The following SEMA6D variants were observed in gnomAD, a reference collection of about 807,000 sequenced individuals.
The protein encoded by SEMA6D is semaphorin-6D.
In SEMA6D, 35 loss-of-function variants were observed where a neutral mutation model predicts 106.6. The observed-to-expected ratio is 0.33, with a 90% CI of 0.25 to 0.44. The LOEUF (loss-of-function observed/expected upper bound fraction) is 0.44, where lower values mean the gene tolerates loss of function less well. Ranked by LOEUF, SEMA6D falls within the 20% of genes least tolerant of loss-of-function variation. The pLI is 1.00. For synonymous variants in SEMA6D, 499 were observed against 487.7 expected (o/e 1.02, Z -0.31); for missense variants, 1,185 against 1,345.9 (o/e 0.88, Z 1.87).
At chr15:47,741,879 C>T (rs1008729216) in intron 1 of SEMA6D, among the ~76,000 whole-genome samples, 1 of 152,164 alleles carries the variant, frequency 6.6e-6, no homozygotes, top group African/African-American at 2.4e-5. Flanking sequence ...AAGAGGAAGA[C>T]AGGAGGTAGA....
At chr15:47,531,231 C>T (rs1238625623) in intron 3 of SEMA6D, among the ~76,000 whole-genome samples, 2 of 152,278 alleles carry the variant, frequency 1.3e-5, no homozygotes, top group Non-Finnish European at 2.9e-5. Context: ...TATAAATACA[C>T]ATATAGCAAA....
chr15:47,292,730 T>TTG (rs2035643007), intron 1 of SEMA6D, among the ~76,000 whole-genome samples: 2 of 152,164 alleles, frequency 1.3e-5, no homozygotes, highest in African/African-American at 2.4e-5. Flanking sequence ...TATTGTGTAG[T>TTG]CCATGAAGAC....
chr15:47,509,189 A>T (rs2044145264), intron 3 of SEMA6D, among the ~76,000 whole-genome samples: 1 of 152,070 alleles, frequency 6.6e-6, no homozygotes, highest in Admixed American at 6.5e-5. Flanking sequence ...CAAACAGATG[A>T]GTGAGGAAGC....
intron 1 of SEMA6D, among the ~76,000 whole-genome samples, chr15:47,204,110 A>G (rs142862825): frequency 6.8e-4 from 104 of 152,282 alleles, no homozygotes; most frequent in African/African-American, 2.3e-3. Context: ...TTCAGTTTCT[A>G]TTCTTATAGG....
intron 1 of SEMA6D, among the ~76,000 whole-genome samples, chr15:47,319,560 A>T (rs2036842581): frequency 6.6e-6 from 1 of 152,008 alleles, no homozygotes; most frequent in East Asian, 1.9e-4. Context: ...CCAGGGAGAA[A>T]AAAACAGGAT....
intron 1 of SEMA6D, among the ~76,000 whole-genome samples, chr15:47,319,249 C>T (rs1445176965): frequency 6.6e-6 from 1 of 152,146 alleles, no homozygotes; most frequent in African/African-American, 2.4e-5. Flanking sequence ...GCATATTAAT[C>T]ATAGTTGTTT....
At chr15:47,468,057 C>T (rs1352663306) in intron 2 of SEMA6D, among the ~76,000 whole-genome samples, 1 of 152,122 alleles carries the variant, frequency 6.6e-6, no homozygotes, top group East Asian at 1.9e-4. Flanking sequence ...TCTTATGCCA[C>T]TGATTGTCAC....
intron 3 of SEMA6D, among the ~76,000 whole-genome samples, chr15:47,493,238 T>G (rs1411049708): frequency 6.6e-6 from 1 of 152,204 alleles, no homozygotes; most frequent in Non-Finnish European, 1.5e-5. Flanking sequence ...CAGCCCATTC[T>G]TGGAGTTTGA....
intron 1 of SEMA6D, among the ~76,000 whole-genome samples, chr15:47,394,188 T>A (rs192914033): frequency 1.7e-3 from 256 of 152,292 alleles, no homozygotes; most frequent in African/African-American, 6.0e-3. Flanking sequence ...ATAGTCCACA[T>A]AGCCAGTTTC....
chr15:47,592,225 G>A (rs1425843520), intron 3 of SEMA6D, among the ~76,000 whole-genome samples: 1 of 152,174 alleles, frequency 6.6e-6, no homozygotes, highest in Non-Finnish European at 1.5e-5. Flanking sequence ...TAGGCCACAA[G>A]AGAAGGGAAG....
At chr15:47,257,250 G>C (rs935090603) in intron 1 of SEMA6D, among the ~76,000 whole-genome samples, 1 of 151,974 alleles carries the variant, frequency 6.6e-6, no homozygotes, top group Non-Finnish European at 1.5e-5. Flanking sequence ...GTAGAGACAG[G>C]GTTTCACCAT....
chr15:47,577,718 C>G (rs532656471), intron 3 of SEMA6D, among the ~76,000 whole-genome samples: 2 of 152,190 alleles, frequency 1.3e-5, no homozygotes, highest in Non-Finnish European at 2.9e-5. Context: ...TGCTTTCCCT[C>G]CCTTACCATT....
At chr15:47,314,849 C>CTTT (rs1173992222) in intron 1 of SEMA6D, among the ~76,000 whole-genome samples, 10 of 83,918 alleles carry the variant, frequency 1.2e-4, no homozygotes, top group African/African-American at 4.8e-4. Context: ...TCTAGGTTTT[C>CTTT]TTTTTTTTTT....
At chr15:47,337,732 G>A (rs1490877825) in intron 1 of SEMA6D, among the ~76,000 whole-genome samples, 1 of 152,114 alleles carries the variant, frequency 6.6e-6, no homozygotes, top group Non-Finnish European at 1.5e-5. Context: ...CTTCATGAGT[G>A]TGCTCACACT....
chr15:47,572,421 G>T (rs2076078706), intron 3 of SEMA6D, among the ~76,000 whole-genome samples: 1 of 152,038 alleles, frequency 6.6e-6, no homozygotes, highest in African/African-American at 2.4e-5. Context: ...TCCTCCTATT[G>T]TTGGTGTTTT....
intron 3 of SEMA6D, among the ~76,000 whole-genome samples, chr15:47,519,949 T>C (rs1303565861): frequency 1.3e-5 from 2 of 152,228 alleles, no homozygotes; most frequent in Non-Finnish European, 2.9e-5. Flanking sequence ...GGATAGACCC[T>C]CTTTTCAGCA....
chr15:47,201,921 A>C (rs565809274), intron 1 of SEMA6D, among the ~76,000 whole-genome samples: 1 of 152,160 alleles, frequency 6.6e-6, no homozygotes, highest in South Asian at 2.1e-4. Context: ...TTGCCTAATA[A>C]AAAACCTCTG....
intron 3 of SEMA6D, among the ~76,000 whole-genome samples, chr15:47,489,184 A>G (rs915251956): frequency 1.1e-4 from 16 of 152,262 alleles, no homozygotes; most frequent in African/African-American, 3.6e-4. Context: ...GACTGGAGTG[A>G]CGCTGCCACA....
intron 1 of SEMA6D, among the ~76,000 whole-genome samples, chr15:47,285,238 GTCTC>G (rs75446452): frequency 6.6e-6 from 1 of 150,728 alleles, no homozygotes; most frequent in South Asian, 2.1e-4. Flanking sequence ...CCCCCACTCT[GTCTC>G]TCTCTCTCTC....
Sources: gnomAD v4.1 joint callset for allele counts (sites outside exome capture counted in the v4.1 genomes callset) on GRCh38, gnomAD v4.1.1 for gene constraint, MANE v1.5 for transcripts, NCBI Gene and HGNC (gene_info 2026-07-23, HGNC 2026-07-21) for gene names.